The following HIPK1 variants were observed in gnomAD, a reference collection of about 807,000 sequenced individuals.
HIPK1 encodes homeodomain-interacting protein kinase 1.
A neutral mutation model predicts 117.1 loss-of-function variants in HIPK1; 28 were observed. That is an observed-to-expected ratio of 0.24 (90% confidence interval 0.18 to 0.33). The LOEUF is 0.33. Among genes scored for constraint, HIPK1 ranks in the 10% least tolerant of loss-of-function variants. The pLI is 1.00. For synonymous variants in HIPK1, 605 were observed against 562.5 expected (o/e 1.08, Z -1.07); for missense variants, 1,122 against 1,475.1 (o/e 0.76, Z 3.92).
rs1412317131 is a variant in HIPK1, at chr1:113,963,510, G to A, written c.2227G>A (p.Ala743Thr). ...CCGGCCGGCGCTGGTTGAACAGACT[G>A]CCGCTGTACTGGTAATTCCCCTCAC... is the stretch of plus-strand genomic sequence containing the variant. ...AGRPALVEQT[A>T]AVLQAWPGGT... is the part of the protein sequence containing the mutation. The change falls in exon 10 of 16, where the codon GCC (alanine) becomes ACC (threonine). Residue 743 changes from alanine (A) to threonine (T), a missense_variant. Physicochemically the swap from Ala to Thr is moderately conservative, Grantham distance 58 (BLOSUM62 0). Around this residue, in one of 6 missense-constraint regions of HIPK1, gnomAD observed 731 missense variants for 860.4 expected, o/e 0.85. Transcript: ENST00000426820. 1.9e-6 allele frequency: 3 copies of A among 1,613,444 alleles called. No homozygotes were observed. Among genetic ancestry groups the A allele is most frequent in the Non-Finnish European group, 2.5e-6 (3 of 1,179,758 alleles).
In HIPK1 at chr1:113,941,753, TTTTATTTA is replaced by T. The variant is rs570216685; in HGVS notation, c.1076+311_1076+318del. 5.9e-5 allele frequency among the ~76,000 whole-genome samples: 9 copies of T among 151,926 alleles called. No individual in the cohort carries two copies. Among genetic ancestry groups the T allele is most frequent in the Non-Finnish European group, 7.4e-5 (5 of 67,968 alleles). On this transcript the variant is annotated intron_variant, in intron 2 of 15. Coordinates refer to ENST00000426820, the MANE Select transcript of HIPK1 (RefSeq NM_198268.3). This position sits in a 1 kb window ranked among gnomAD's most constrained non-coding sequence, Gnocchi z 4.9. ...TTACCTCATTTTCCCATTTTATTTA[TTTTATTTA>T]TTTATTTATTTATTTAGAGACAGAA...
chr1:113,958,257 A>G lies in HIPK1; in HGVS notation c.1947A>G (p.Gln649=), dbSNP rs969755756. ...TQICTQTDPF[Q]QTFIVCPPAF... ...TTTGCACTCAGACAGATCCATTCCA[A>G]CAGACATTTATAGTATGTCCACCTG... is the stretch of plus-strand genomic sequence containing the variant. The change falls in exon 8 of 16, where the codon CAA becomes CAG. Residue 649 remains glutamine (Q), a synonymous_variant. Coordinates refer to ENST00000426820, the MANE Select transcript of HIPK1 (RefSeq NM_198268.3). 1 of 1,614,138 alleles carries G rather than the reference A, an allele frequency of 6.2e-7. No individual in the cohort carries two copies. Among genetic ancestry groups the G allele is most frequent in the Admixed American group, 1.7e-5 (1 of 60,026 alleles).
intron 15 of HIPK1, chr1:113,972,175 C>T: frequency 7.7e-7 from 1 of 1,304,446 alleles, no homozygotes; most frequent in Non-Finnish European, 1.0e-6. Context: ...ATCAGACCTC[C>T]CTAAGTCTAC....
In HIPK1 at chr1:113,943,285, T is replaced by C. The variant is rs114202211; in HGVS notation, c.1076+1826T>C. On this transcript the variant is annotated intron_variant, in intron 2 of 15. Coordinates refer to ENST00000426820, the MANE Select transcript of HIPK1 (RefSeq NM_198268.3). ...TTCTAACCATTAAGCAATAACTCCCTATTCTCTCTTCTTCCTACCACTGGT... is the reference window on the plus strand; with the variant it reads ...TTCTAACCATTAAGCAATAACTCCCCATTCTCTCTTCTTCCTACCACTGGT... Among the ~76,000 whole-genome samples the C allele has an allele frequency of 7.9e-3, 1,209 of 152,324 alleles. 18 individuals carry two copies. Among genetic ancestry groups the C allele is most frequent in the Non-Finnish European group, 0.014 (934 of 68,020 alleles).
chr1:113,972,713 C>T (rs1195839619), intron 15 of HIPK1, among the ~76,000 whole-genome samples: 3 of 152,144 alleles, frequency 2.0e-5, no homozygotes, highest in Admixed American at 6.5e-5. Flanking sequence ...TTTACTGACG[C>T]CAGAATAGGG....
At chr1:113,958,994 C>T (rs1671913084) in intron 8 of HIPK1, among the ~76,000 whole-genome samples, 1 of 151,976 alleles carries the variant, frequency 6.6e-6, no homozygotes, top group Non-Finnish European at 1.5e-5. Context: ...CATTGTTGTT[C>T]TGTAATCTAG....
At chr1:113,954,028 A>G (rs570564284) in intron 3 of HIPK1, 2 of 152,406 alleles carry the variant, frequency 1.3e-5, no homozygotes, top group South Asian at 4.1e-4. Flanking sequence ...TAGGCCTGTC[A>G]CAGCTTACTG....
In HIPK1 at chr1:113,974,663, T is replaced by TA. The variant is rs1673047781; in HGVS notation, c.*1153dup. On this transcript the variant is annotated 3_prime_UTR_variant, in exon 16 of 16. Transcript: ENST00000426820. ...GAATGCTCTCTTATTAAGACTTATA[T>TA]AATAAGTGCATGTAGGAATTGCAAA... 1 of 152,776 alleles carries TA rather than the reference T, an allele frequency of 6.5e-6. No individual in the cohort carries two copies. The highest frequency in any genetic ancestry group is 2.1e-4 in the South Asian group (1 of 4,834). The allele number at this position is 152,776 out of a possible 1,614,324, so 9.5% of individuals were successfully genotyped here.
intron 1 of HIPK1, chr1:113,930,838 G>A (rs1196696357): frequency 1.3e-5 from 2 of 152,354 alleles, no homozygotes; most frequent in South Asian, 4.1e-4. Flanking sequence ...AGGGAAGAGG[G>A]GGGGAAAACC....
intron 2 of HIPK1, among the ~76,000 whole-genome samples, chr1:113,946,273 G>A (rs1024904381): frequency 3.3e-5 from 5 of 152,176 alleles, no homozygotes; most frequent in East Asian, 3.9e-4. Context: ...GAGTCCTCAG[G>A]AGGGACTAGG....
Position 113,971,804 on chromosome 1 carries a change from T to A in HIPK1, c.3014-20T>A. ...CTCAGTGATGTCTACTCATAACTAT[T>A]AAGCCTGGTGCTTTTTTAGGTCTCC... is the stretch of plus-strand genomic sequence containing the variant. On this transcript the variant is annotated intron_variant, in intron 14 of 15. Transcript: ENST00000426820. 2 of 1,589,360 alleles carry A rather than the reference T, an allele frequency of 1.3e-6. No individual in the cohort carries two copies. Among genetic ancestry groups the A allele is most frequent in the Non-Finnish European group, 1.7e-6 (2 of 1,172,526 alleles).
chr1:113,972,400 C>T (rs1052286389), intron 15 of HIPK1, among the ~76,000 whole-genome samples: 1 of 152,172 alleles, frequency 6.6e-6, no homozygotes, highest in African/African-American at 2.4e-5. Context: ...CTGGAGTCTG[C>T]GATTTGGGAC....
chr1:113,944,159 G>GTTTTTTTTTTTT (rs140161727), intron 2 of HIPK1, among the ~76,000 whole-genome samples: 4 of 55,234 alleles, frequency 7.2e-5, no homozygotes, highest in Admixed American at 2.6e-4. Flanking sequence ...ATAGCCATGG[G>GTTTTTTTTTTTT]TTTTTTTTTT....
intron 13 of HIPK1, among the ~76,000 whole-genome samples, chr1:113,969,680 C>T (rs1440383550): frequency 5.3e-5 from 8 of 152,060 alleles, no homozygotes; most frequent in Admixed American, 3.3e-4. Flanking sequence ...GAGGCCAAAG[C>T]AGGAAGATCA....
At chr1:113,970,988 G>T (rs1284282428) in intron 14 of HIPK1, among the ~76,000 whole-genome samples, 1 of 152,218 alleles carries the variant, frequency 6.6e-6, no homozygotes. Context: ...TGTTAAGGCA[G>T]CTGCTTTTCA....
At chr1:113,929,818 C>A in intron 1 of HIPK1, 1 of 982,688 alleles carries the variant, frequency 1.0e-6, no homozygotes, top group Non-Finnish European at 1.2e-6. Context: ...GGGCGGGGGC[C>A]GGGGCCCGGG....
rs753553582 is a variant in HIPK1, at chr1:113,971,794, T to C, written c.3014-30T>C. ...CTGAGGTTAGCTCAGTGATGTCTAC[T>C]CATAACTATTAAGCCTGGTGCTTTT... On this transcript the variant is annotated intron_variant, in intron 14 of 15. Coordinates refer to ENST00000426820, the MANE Select transcript of HIPK1 (RefSeq NM_198268.3). 20 of 1,582,106 alleles carry C rather than the reference T, an allele frequency of 1.3e-5. No individual in the cohort carries two copies. In the East Asian group the frequency reaches 4.5e-4, roughly 36 times the overall value.
chr1:113,958,859 C>T (rs1296746959), intron 8 of HIPK1, among the ~76,000 whole-genome samples: 3 of 152,130 alleles, frequency 2.0e-5, no homozygotes. Flanking sequence ...TCTTCTTCAG[C>T]TTATGAATCA....
In HIPK1 at chr1:113,958,191, T is replaced by A; in HGVS notation, c.1881T>A (p.Val627=). Residue 627 remains valine, a synonymous_variant, in exon 8 of 16, where the codon GTT becomes GTA. Coordinates refer to ENST00000426820, the MANE Select transcript of HIPK1 (RefSeq NM_198268.3). The part of the protein sequence containing the change: ...YPSSAAPVPG[V]AQQGVSLQPG... Reference sequence around the variant, plus strand: ...CATCTGCTGCACCAGTTCCTGGAGTTGCCCAGCAGGGTGTTTCCTTGCAGC... The same window carrying A: ...CATCTGCTGCACCAGTTCCTGGAGTAGCCCAGCAGGGTGTTTCCTTGCAGC... The A allele has an allele frequency of 6.2e-7, 1 of 1,614,182 alleles. No homozygotes were observed. The highest frequency in any genetic ancestry group is 8.5e-7 in the Non-Finnish European group (1 of 1,180,014).
Sources: gnomAD v4.1 joint callset for allele counts (sites outside exome capture counted in the v4.1 genomes callset) on GRCh38, gnomAD v4.1.1 for gene constraint, gnomAD v4.1.1 regional missense constraint, Gnocchi (gnomAD v3.1) non-coding constraint, MANE v1.5 for transcripts, NCBI Gene and HGNC (gene_info 2026-07-23, HGNC 2026-07-21) for gene names.